Variants in TRAT1 observed in about 807,000 individuals in gnomAD.
TRAT1 encodes T cell receptor associated transmembrane adaptor 1, also known as T-cell receptor-associated transmembrane adapter 1.
TRAT1 carries 20 observed loss-of-function variants against 20.0 expected under a neutral mutation model. The observed-to-expected ratio is 1.00, with a 90% CI of 0.70 to 1.45. The LOEUF (loss-of-function observed/expected upper bound fraction) is 1.45. Ranked by LOEUF, TRAT1 falls within the 40% of genes most tolerant of loss-of-function variation. The probability of loss-of-function intolerance (pLI) is 0.00; values close to 1 mark genes in which losing one functional copy is unlikely to be tolerated. For missense variants in TRAT1, 237 were observed against 224.1 expected (o/e 1.06, Z -0.37); for synonymous variants, 77 against 74.2 (o/e 1.04, Z -0.20).
chr3:108,838,147 G>A (rs1945855673), intron 2 of TRAT1, among the ~76,000 whole-genome samples: 1 of 152,064 alleles, frequency 6.6e-6, no homozygotes. Context: ...CTGTTCTACT[G>A]TTTCGGTTAA....
chr3:108,843,761 A>T (rs933842243), intron 3 of TRAT1, among the ~76,000 whole-genome samples: 1 of 152,062 alleles, frequency 6.6e-6, no homozygotes, highest in Non-Finnish European at 1.5e-5. Context: ...GGTTACCATG[A>T]TCAAATCTCG....
chr3:108,836,702 A>T (rs1279895724), intron 2 of TRAT1, among the ~76,000 whole-genome samples: 1 of 152,206 alleles, frequency 6.6e-6, no homozygotes, highest in Non-Finnish European at 1.5e-5. Context: ...TACAGAAAAT[A>T]TTTCATTTAC....
intron 4 of TRAT1, chr3:108,847,362 C>G: frequency 2.5e-6 from 1 of 398,430 alleles, no homozygotes; most frequent in Middle Eastern, 6.9e-4. Context: ...CTCTTCATTT[C>G]ACTCTAGTAG....
rs1281997366 is a variant in TRAT1, at chr3:108,853,864, A to G, written c.548A>G (p.Glu183Gly). 2.5e-6 allele frequency: 4 copies of G among 1,613,496 alleles called. No individual in the cohort carries two copies. The highest frequency in any genetic ancestry group is 3.4e-6 in the Non-Finnish European group (4 of 1,179,682). Residue 183 changes from glutamate (E) to glycine (G), a missense_variant, in exon 6 of 6, where the codon GAA becomes GGA. Physicochemically the swap from Glu to Gly is moderately conservative, Grantham distance 98. Coordinates refer to ENST00000295756, the MANE Select transcript of TRAT1 (RefSeq NM_016388.4). Reference protein sequence around the residue: ...RLFGLIRAKREPIN With the variant: ...RLFGLIRAKRGPIN Reference sequence around the variant, plus strand: ...TTTGGATTGATCCGTGCTAAGAGAGAACCTATAAACTAGCTGGACCATGAT... The same window carrying G: ...TTTGGATTGATCCGTGCTAAGAGAGGACCTATAAACTAGCTGGACCATGAT...
intron 2 of TRAT1, among the ~76,000 whole-genome samples, chr3:108,836,921 T>C (rs1433550175): frequency 6.6e-6 from 1 of 152,200 alleles, no homozygotes; most frequent in Non-Finnish European, 1.5e-5. Flanking sequence ...TCTACTTTAA[T>C]TCCAGGCAAA....
intron 3 of TRAT1, among the ~76,000 whole-genome samples, chr3:108,844,466 T>C (rs1945921314): frequency 6.6e-6 from 1 of 151,204 alleles, no homozygotes; most frequent in Admixed American, 6.6e-5. Flanking sequence ...TGGACTTTGA[T>C]CACAAACTAC....
intron 1 of TRAT1, 41 bp from the exon 2 acceptor site, chr3:108,830,629 A>G (rs774637258): frequency 8.2e-7 from 1 of 1,213,990 alleles, no homozygotes; most frequent in South Asian, 1.2e-5. Flanking sequence ...CAAATGGGTA[A>G]GCAGCTGTTA....
chr3:108,843,795 G>A (rs1945916427), intron 3 of TRAT1, among the ~76,000 whole-genome samples: 1 of 152,072 alleles, frequency 6.6e-6, no homozygotes, highest in African/African-American at 2.4e-5. Context: ...GAGTCCCTCT[G>A]CAGCATTTGA....
chr3:108,847,738 A>G (rs2107515218), intron 4 of TRAT1, among the ~76,000 whole-genome samples: 1 of 152,188 alleles, frequency 6.6e-6, no homozygotes, highest in East Asian at 1.9e-4. Flanking sequence ...CAAACAGATA[A>G]CCTTGGTCTG....
chr3:108,830,831 G>A, intron 2 of TRAT1, 51 bp downstream of exon 2: 1 of 1,157,672 alleles, frequency 8.6e-7, no homozygotes, highest in East Asian at 2.3e-5. Flanking sequence ...TGGAGACTAT[G>A]GAGTCACTGG....
At chr3:108,846,909 C>T (rs1027913136) in intron 3 of TRAT1, among the ~76,000 whole-genome samples, 159 bp from the exon 4 acceptor site, 1 of 152,136 alleles carries the variant, frequency 6.6e-6, no homozygotes, top group Non-Finnish European at 1.5e-5. Flanking sequence ...CATGCATGCA[C>T]GTGTTCACTC....
chr3:108,829,948 G>C (rs993415753), intron 1 of TRAT1, among the ~76,000 whole-genome samples: 10 of 152,120 alleles, frequency 6.6e-5, no homozygotes, highest in Admixed American at 3.3e-4. Context: ...AATAGCCTCA[G>C]GTAGGTCCTT....
intron 4 of TRAT1, among the ~76,000 whole-genome samples, chr3:108,848,251 C>T (rs1447540678): frequency 6.6e-6 from 1 of 152,160 alleles, no homozygotes; most frequent in Non-Finnish European, 1.5e-5. Flanking sequence ...CTTAACATCC[C>T]AGGTGATTCT....
chr3:108,841,224 TA>T (rs1945894338), intron 3 of TRAT1, among the ~76,000 whole-genome samples: 2 of 152,252 alleles, frequency 1.3e-5, no homozygotes, highest in African/African-American at 2.4e-5. Context: ...TAAGGATTTA[TA>T]AAATAACCTA....
chr3:108,830,708 G>A lies in TRAT1; in HGVS notation c.46G>A (p.Ala16Thr). ...CCCCTTTTTCCTCTGGGGACTTCTA[G>A]CATTGTTGGGCTTGGCTTTGGTTAT... ...GCPFFLWGLL[A>T]LLGLALVISL... Residue 16 changes from alanine to threonine, a missense_variant, in exon 2 of 6, where the codon GCA becomes ACA. Transcript: ENST00000295756. The A allele has an allele frequency of 5.0e-6, 8 of 1,613,854 alleles. No individual in the cohort carries two copies. The highest frequency in any genetic ancestry group is 6.8e-6 in the Non-Finnish European group (8 of 1,179,822).
At chr3:108,830,378 T>C (rs1399782901) in intron 1 of TRAT1, among the ~76,000 whole-genome samples, 1 of 152,214 alleles carries the variant, frequency 6.6e-6, no homozygotes, top group Non-Finnish European at 1.5e-5. Context: ...GAACAAAAGT[T>C]TTTTATCAGT....
chr3:108,832,572 T>C (rs534024189), intron 2 of TRAT1, among the ~76,000 whole-genome samples: 11 of 152,286 alleles, frequency 7.2e-5, no homozygotes, highest in Middle Eastern at 3.4e-3. Context: ...TAAATCCAGA[T>C]AATATATAGC....
intron 1 of TRAT1, among the ~76,000 whole-genome samples, chr3:108,829,096 G>T (rs1945767832): frequency 6.6e-6 from 1 of 152,066 alleles, no homozygotes; most frequent in Non-Finnish European, 1.5e-5. Flanking sequence ...CTAAAGCAGG[G>T]TTACAAGTCC....
rs1946031441 is a variant in TRAT1 at position 108,854,971 on chromosome 3, G to A, written c.*1094G>A. The A allele has an allele frequency of 6.6e-6, 1 of 151,914 alleles. No individual in the cohort carries two copies. The highest frequency in any genetic ancestry group is 1.5e-5 in the Non-Finnish European group (1 of 67,948). The allele number at this position is 151,914 out of a possible 1,614,324, so 9.4% of individuals were successfully genotyped here. The stretch of plus-strand genomic sequence containing the variant: ...GATTGTTAAGACTTTCCTTATTACT[G>A]GTTCTAATTTGATTATAATATGCCA... On this transcript the variant is annotated 3_prime_UTR_variant, in exon 6 of 6. Transcript: ENST00000295756.
Sources: allele counts gnomAD v4.1 joint callset (sites outside exome capture counted in the v4.1 genomes callset), GRCh38; gene constraint gnomAD v4.1.1; transcripts MANE v1.5; gene names NCBI Gene and HGNC (gene_info 2026-07-23, HGNC 2026-07-21).